Variants in CLCN5 observed in about 807,000 individuals in gnomAD.
CLCN5 encodes the protein H(+)/Cl(-) exchange transporter 5.
A neutral mutation model predicts 54.0 loss-of-function variants in CLCN5; 17 were observed. The ratio of observed to expected loss-of-function variants is 0.31; its 90% confidence interval spans 0.22 to 0.47. CLCN5 has a LOEUF of 0.47. Among genes scored for constraint, CLCN5 ranks in the 20% least tolerant of loss-of-function variants. The pLI is 1.00. For synonymous variants in CLCN5, 222 were observed against 233.0 expected, an observed-to-expected ratio of 0.95 and a Z score of 0.43; for missense variants, 448 against 646.7, an observed-to-expected ratio of 0.69 and a Z score of 3.33.
chrX:49,972,056 TCA>T (rs1928241573), intron 3 of CLCN5, among the ~76,000 whole-genome samples: 2 of 109,884 alleles, frequency 1.8e-5, no homozygotes, highest in African/African-American at 3.3e-5. Flanking sequence ...TACTCAGATT[TCA>T]GATTTACCTG....
rs1934295816 is a variant in CLCN5, at chrX:50,097,431, C to G, written c.*5212C>G. The stretch of plus-strand genomic sequence containing the variant: ...CAGCCCAGTCTTACAGTCATAAATT[C>G]CTACCTCTTAGTTCCTGCCAAAGGG... On this transcript the variant is annotated 3_prime_UTR_variant, in exon 15 of 15. Transcript: ENST00000376091. 1 of 111,939 alleles carries G rather than the reference C, an allele frequency of 8.9e-6. No homozygotes were observed. The highest frequency in any genetic ancestry group is 9.5e-5 in the Admixed American group (1 of 10,534). The allele number at this position is 111,939 out of a possible 1,213,427, so 9.2% of individuals were successfully genotyped here.
chrX:50,084,796 TG>T (rs1325061872), intron 9 of CLCN5, among the ~76,000 whole-genome samples: 7 of 112,129 alleles, frequency 6.2e-5, no homozygotes, highest in Non-Finnish European at 1.1e-4. Context: ...CTTGTCAAAG[TG>T]GGCAGATGGT....
At chrX:49,962,542 A>T (rs6608957) in intron 3 of CLCN5, among the ~76,000 whole-genome samples, 16,915 of 110,926 alleles carry the variant, frequency 0.15, 3,156 homozygotes, top group African/African-American at 0.53. Context: ...TGATCCCTGC[A>T]TTTCTTAGGC....
intron 3 of CLCN5, among the ~76,000 whole-genome samples, chrX:49,969,089 T>G (rs1928062563): frequency 9.0e-6 from 1 of 111,241 alleles, no homozygotes; most frequent in Non-Finnish European, 1.9e-5. Flanking sequence ...TCTTTCTTTT[T>G]TTTTTTGAGA....
chrX:50,030,407 C>A (rs782494767), intron 3 of CLCN5, among the ~76,000 whole-genome samples: 1 of 111,719 alleles, frequency 9.0e-6, no homozygotes, highest in East Asian at 2.8e-4. Context: ...AGATTTACCT[C>A]CTAATTTATG....
At chrX:49,999,285 A>G (rs1929684518) in intron 3 of CLCN5, among the ~76,000 whole-genome samples, 1 of 111,177 alleles carries the variant, frequency 9.0e-6, no homozygotes, top group Non-Finnish European at 1.9e-5. Flanking sequence ...GAGCTGTCTC[A>G]GTTCCCTCCC....
intron 3 of CLCN5, among the ~76,000 whole-genome samples, chrX:50,001,901 A>G (rs1230655096): frequency 9.1e-6 from 1 of 109,868 alleles, no homozygotes; most frequent in African/African-American, 3.3e-5. Flanking sequence ...TTTACTGGGC[A>G]ATGTTGTCAT....
chrX:49,928,244 G>C (rs1237437656), intron 3 of CLCN5, among the ~76,000 whole-genome samples: 4 of 111,811 alleles, frequency 3.6e-5, no homozygotes, highest in Admixed American at 2.8e-4. Flanking sequence ...TTGTATACGT[G>C]TATCAAAATA....
intron 4 of CLCN5, among the ~76,000 whole-genome samples, chrX:50,064,432 AC>A (rs1932928967): frequency 1.2e-5 from 1 of 80,977 alleles, no homozygotes; most frequent in African/African-American, 4.8e-5. Context: ...AGAATAAAAT[AC>A]CTAGGAATCC....
chrX:50,080,179 C>A (rs1267134852), intron 7 of CLCN5, among the ~76,000 whole-genome samples: 1 of 111,576 alleles, frequency 9.0e-6, no homozygotes, highest in Non-Finnish European at 1.9e-5. Flanking sequence ...TAGATCCGCT[C>A]TTCACTTCAG....
intron 4 of CLCN5, among the ~76,000 whole-genome samples, chrX:50,052,319 A>G (rs1932611858): frequency 8.9e-6 from 1 of 112,169 alleles, no homozygotes; most frequent in African/African-American, 3.2e-5. Context: ...GCCTATTGTT[A>G]TGCTAGATTA....
chrX:49,984,270 A>G (rs1487083592), intron 3 of CLCN5, among the ~76,000 whole-genome samples: 1 of 112,154 alleles, frequency 8.9e-6, no homozygotes, highest in Non-Finnish European at 1.9e-5. Context: ...AATCCAACTG[A>G]TCATGACAAA....
chrX:49,958,969 C>G (rs1473937443), intron 3 of CLCN5, among the ~76,000 whole-genome samples: 2 of 111,964 alleles, frequency 1.8e-5, no homozygotes, highest in Admixed American at 1.9e-4. Context: ...CCTGCTATAG[C>G]TACATTAGTT....
intron 3 of CLCN5, among the ~76,000 whole-genome samples, chrX:50,001,900 C>T (rs1929840009): frequency 9.1e-6 from 1 of 110,183 alleles, no homozygotes; most frequent in African/African-American, 3.3e-5. Context: ...ATTTACTGGG[C>T]AATGTTGTCA....
chrX:50,081,214 A>G (rs1933683641), intron 8 of CLCN5, among the ~76,000 whole-genome samples: 2 of 108,895 alleles, frequency 1.8e-5, no homozygotes, highest in Admixed American at 1.9e-4. Flanking sequence ...ACCAGGTAAT[A>G]AGTCACAATT....
chrX:50,030,934 T>A (rs1441349899), intron 3 of CLCN5, among the ~76,000 whole-genome samples: 1 of 111,927 alleles, frequency 8.9e-6, no homozygotes, highest in Admixed American at 9.5e-5. Flanking sequence ...TGCATGTATG[T>A]TCCAAAGTGA....
At chrX:50,039,193 C>G (rs1240738104) in intron 3 of CLCN5, among the ~76,000 whole-genome samples, 1 of 111,973 alleles carries the variant, frequency 8.9e-6, no homozygotes, top group Admixed American at 9.5e-5. Flanking sequence ...ACTTGGGACG[C>G]TGAGGTGGCA....
chrX:49,956,422 G>A (rs1927322139), intron 3 of CLCN5, among the ~76,000 whole-genome samples: 1 of 112,459 alleles, frequency 8.9e-6, no homozygotes. Flanking sequence ...CCTCACAGGA[G>A]TGTTGGGATC....
At chrX:49,963,224 C>T (rs1187118610) in intron 3 of CLCN5, among the ~76,000 whole-genome samples, 1 of 111,460 alleles carries the variant, frequency 9.0e-6, no homozygotes, top group East Asian at 2.8e-4. Context: ...TACATTTGTT[C>T]TCTCTTTTTT....
Sources: allele counts gnomAD v4.1 joint callset (sites outside exome capture counted in the v4.1 genomes callset), GRCh38; gene constraint gnomAD v4.1.1; transcripts MANE v1.5; gene names NCBI Gene and HGNC (gene_info 2026-07-23, HGNC 2026-07-21).